Variants in TAX1BP1 observed in about 807,000 individuals in gnomAD.
TAX1BP1 encodes Tax1 binding protein 1.
A neutral mutation model predicts 97.7 loss-of-function variants in TAX1BP1; 62 were observed. The observed-to-expected ratio is 0.63, with a 90% CI of 0.52 to 0.78. The LOEUF (loss-of-function observed/expected upper bound fraction) is 0.78. Among genes scored for constraint, TAX1BP1 ranks in the 30% least tolerant of loss-of-function variants. The pLI, the probability that TAX1BP1 is intolerant of heterozygous loss-of-function variation, is 0.00. For synonymous variants in TAX1BP1, 340 were observed against 304.2 expected (o/e 1.12, Z -1.23); for missense variants, 867 against 916.1 (o/e 0.95, Z 0.69).
intron 1 of TAX1BP1, 64 bp downstream of exon 1, chr7:27,740,333 T>C (rs1378666927): frequency 2.6e-5 from 4 of 152,626 alleles, no homozygotes; most frequent in Non-Finnish European, 5.8e-5. Context: ...GCATCTCTTT[T>C]AGGGCTCGTG....
Position 27,761,581 on chromosome 7 carries a change from C to T in TAX1BP1, c.265+3448C>T, listed in dbSNP as rs541972065. ...AAATGTCATAGAGTTGGAATCATAA[C>T]GATATGTAGTCTTTTCAGATTGGCT... On this transcript the variant is annotated intron_variant, in intron 3 of 16. Coordinates refer to ENST00000396319, the MANE Select transcript of TAX1BP1 (RefSeq NM_006024.7). 1.4e-4 allele frequency among the ~76,000 whole-genome samples: 21 copies of T among 152,266 alleles called. No homozygotes were observed. The South Asian group carries it at 3.1e-3, about 23-fold the overall frequency.
At chr7:27,743,760 T>G in intron 1 of TAX1BP1, among the ~76,000 whole-genome samples, 1 of 148,042 alleles carries the variant, frequency 6.8e-6, no homozygotes, top group Admixed American at 6.8e-5. Context: ...GTTAGTTTAG[T>G]ATCTTTATTT....
rs1003472568 is a variant in TAX1BP1 at position 27,794,554 on chromosome 7, G to A, written c.1534+108G>A. On this transcript the variant is annotated intron_variant, in intron 11 of 16. Coordinates refer to ENST00000396319, the MANE Select transcript of TAX1BP1 (RefSeq NM_006024.7). ...AGGATGTTCATAAAAATTTTCATGT[G>A]ATAAGTGAAGGAATTGAGGCAACAA... 5.7e-6 allele frequency: 7 copies of A among 1,226,040 alleles called. No homozygotes were observed. The Admixed American group carries it at 1.6e-4, about 27-fold the overall frequency. 75.9% of individuals were successfully genotyped at this position (1,226,040 alleles called of 1,614,324 possible).
intron 9 of TAX1BP1, 108 bp downstream of exon 9, chr7:27,792,338 T>G: frequency 9.6e-7 from 1 of 1,043,612 alleles, no homozygotes; most frequent in South Asian, 1.7e-5. Context: ...TGCCTTATTT[T>G]AAATTTAAAA....
At chr7:27,780,439 C>A (rs1789209030) in intron 5 of TAX1BP1, among the ~76,000 whole-genome samples, 2 of 152,132 alleles carry the variant, frequency 1.3e-5, no homozygotes, top group African/African-American at 4.8e-5. Flanking sequence ...TATAGTCGTT[C>A]CTAATTCTTA....
intron 12 of TAX1BP1, 46 bp from the exon 13 acceptor site, chr7:27,799,919 C>T: frequency 6.7e-7 from 1 of 1,494,266 alleles, no homozygotes; most frequent in Non-Finnish European, 9.1e-7. Flanking sequence ...GATTTTCACT[C>T]TACATGAATT....
rs79428630 is a variant in TAX1BP1, at chr7:27,775,098, C to G, written c.612+5264C>G. Among the ~76,000 whole-genome samples the G allele has an allele frequency of 6.1e-3, 933 of 152,124 alleles. 7 individuals are homozygous for G. The highest frequency in any genetic ancestry group is 0.018 in the African/African-American group (750 of 41,498). ...AGTTCCTGCAAAGATTTTGGGAAGCCTTTAATATCTTGCTTCATTGAGCCT... is the reference window on the plus strand; with the variant it reads ...AGTTCCTGCAAAGATTTTGGGAAGCGTTTAATATCTTGCTTCATTGAGCCT... On this transcript the variant is annotated intron_variant, in intron 5 of 16. Coordinates refer to ENST00000396319, the MANE Select transcript of TAX1BP1 (RefSeq NM_006024.7).
intron 5 of TAX1BP1, among the ~76,000 whole-genome samples, chr7:27,774,255 G>T (rs1442178448): frequency 6.6e-6 from 1 of 152,008 alleles, no homozygotes; most frequent in Non-Finnish European, 1.5e-5. Flanking sequence ...TTGTGTTGTT[G>T]TAGAGTGACA....
chr7:27,762,785 C>T (rs141847502), intron 3 of TAX1BP1, among the ~76,000 whole-genome samples: 159 of 152,132 alleles, frequency 1.0e-3, no homozygotes, highest in African/African-American at 3.7e-3. Context: ...TTCATCTCTA[C>T]AAAAAATACC....
rs1055084419 is a variant in TAX1BP1, at chr7:27,800,172, T to C, written c.1764+82T>C. ...ATGTATAATTTTATTCAATCTAATG[T>C]ACATTTTAAATATGGATAATTGATA... is the stretch of plus-strand genomic sequence containing the variant. On this transcript the variant is annotated intron_variant, in intron 13 of 16. Coordinates refer to ENST00000396319, the MANE Select transcript of TAX1BP1 (RefSeq NM_006024.7). 7.1e-6 allele frequency: 9 copies of C among 1,275,036 alleles called. No homozygotes were observed. In the African/African-American group the frequency reaches 1.4e-4, roughly 20 times the overall value. The allele number at this position is 1,275,036 out of a possible 1,614,324, so 79.0% of individuals were successfully genotyped here.
upstream of TAX1BP1, chr7:27,739,514 A>T (rs1394023823): frequency 6.6e-6 from 1 of 152,238 alleles, no homozygotes; most frequent in Non-Finnish European, 1.5e-5. Flanking sequence ...GCGGGAGAAA[A>T]TTCACACACG....
chr7:27,793,814 GGAAAT>G (rs1412060067), intron 10 of TAX1BP1, among the ~76,000 whole-genome samples: 1 of 152,170 alleles, frequency 6.6e-6, no homozygotes, highest in Admixed American at 6.5e-5. Context: ...AGGAACTCCT[GGAAAT>G]GTAGAAGAAA....
At chr7:27,810,790 T>C (rs1350424825) in intron 13 of TAX1BP1, among the ~76,000 whole-genome samples, 1 of 152,186 alleles carries the variant, frequency 6.6e-6, no homozygotes, top group Non-Finnish European at 1.5e-5. Flanking sequence ...GCTCTTAATA[T>C]GCATCCTTTG....
Position 27,769,762 on chromosome 7 carries a change from A to G in TAX1BP1, c.540A>G (p.Glu180=). ...VLEKETAQLR[E]QVGRMERELN... ...AAAAAGAAACAGCACAACTTCGAGA[A>G]CAAGTTGGGAGAATGGAAAGAGAAC... Residue 180 remains glutamate (E), a synonymous_variant, in exon 5 of 17, where the codon GAA becomes GAG. Coordinates refer to ENST00000396319, the MANE Select transcript of TAX1BP1 (RefSeq NM_006024.7). 6.2e-7 allele frequency: 1 copy of G among 1,612,698 alleles called. No individual in the cohort carries two copies. The highest frequency in any genetic ancestry group is 1.1e-5 in the South Asian group (1 of 90,904).
chr7:27,805,050 C>G (rs553546448), intron 13 of TAX1BP1, among the ~76,000 whole-genome samples: 54 of 152,226 alleles, frequency 3.5e-4, no homozygotes, highest in African/African-American at 1.3e-3. Context: ...AGCGTGATTG[C>G]TGGTTTGAAG....
chr7:27,785,439 C>G lies in TAX1BP1; in HGVS notation c.802C>G (p.Gln268Glu), dbSNP rs775468221. The G allele has an allele frequency of 6.2e-7, 1 of 1,613,446 alleles. No individual in the cohort carries two copies. The highest frequency in any genetic ancestry group is 8.5e-7 in the Non-Finnish European group (1 of 1,179,882). The change falls in exon 7 of 17, where the codon CAA (glutamine) becomes GAA (glutamate). Residue 268 changes from glutamine (Q) to glutamate (E), a missense_variant. Physicochemically the swap from Gln to Glu is conservative, Grantham distance 29 (BLOSUM62 2). Coordinates refer to ENST00000396319, the MANE Select transcript of TAX1BP1 (RefSeq NM_006024.7). ...CAAGAAGGCACAACATGAAAGAGAA[C>G]AACTTGAATGTCAGTTGAAGACAGA... is the stretch of plus-strand genomic sequence containing the variant. ...KLKKAQHERE[Q>E]LECQLKTEKD... is the part of the protein sequence containing the mutation.
At chr7:27,789,814 C>G (rs1224269216) in intron 8 of TAX1BP1, among the ~76,000 whole-genome samples, 1 of 151,904 alleles carries the variant, frequency 6.6e-6, no homozygotes, top group Non-Finnish European at 1.5e-5. Context: ...ATGGTTAATC[C>G]TTGTTACTTT....
intron 4 of TAX1BP1, among the ~76,000 whole-genome samples, 181 bp downstream of exon 4, chr7:27,766,202 C>T (rs1158479142): frequency 2.0e-5 from 3 of 152,076 alleles, no homozygotes; most frequent in South Asian, 2.1e-4. Context: ...AGGCAGATCA[C>T]GATGTCAGGA....
intron 8 of TAX1BP1, among the ~76,000 whole-genome samples, chr7:27,791,618 A>G (rs1428934292): frequency 6.6e-6 from 1 of 152,168 alleles, no homozygotes; most frequent in Non-Finnish European, 1.5e-5. Flanking sequence ...TTGGTGTTAC[A>G]AAGAAGCTTT....
Sources: allele counts gnomAD v4.1 joint callset (sites outside exome capture counted in the v4.1 genomes callset), GRCh38; gene constraint gnomAD v4.1.1; transcripts MANE v1.5; gene names NCBI Gene and HGNC (gene_info 2026-07-23, HGNC 2026-07-21).